Variants in PTPRG observed in about 807,000 individuals in gnomAD.
PTPRG encodes the protein protein tyrosine phosphatase receptor type G.
A neutral mutation model predicts 165.3 loss-of-function variants in PTPRG; 102 were observed. That is an observed-to-expected ratio of 0.62 (90% CI 0.53 to 0.73). PTPRG has a LOEUF of 0.73. PTPRG is among the 30% of genes least tolerant of loss of function. The pLI is 0.00. For missense variants in PTPRG, 1,866 were observed against 1,861.4 expected (o/e 1.00, Z -0.05); for synonymous variants, 675 against 669.5 (o/e 1.01, Z -0.13).
intron 2 of PTPRG, among the ~76,000 whole-genome samples, chr3:61,764,561 A>G (rs1049062306): frequency 1.3e-5 from 2 of 152,142 alleles, no homozygotes; most frequent in East Asian, 1.9e-4. Context: ...GAGAGTTGTT[A>G]TTTTAGCCTG....
intron 2 of PTPRG, among the ~76,000 whole-genome samples, chr3:61,939,677 G>C (rs2039565125): frequency 1.3e-5 from 2 of 152,048 alleles, no homozygotes; most frequent in African/African-American, 2.4e-5. Context: ...TGATCCAAAA[G>C]GTCCAATAAA....
intron 2 of PTPRG, among the ~76,000 whole-genome samples, chr3:61,858,402 C>T (rs2107391968): frequency 6.6e-6 from 1 of 152,262 alleles, no homozygotes; most frequent in East Asian, 1.9e-4. Flanking sequence ...AACAGTCCTT[C>T]TAAAGCTAAT....
intron 2 of PTPRG, among the ~76,000 whole-genome samples, chr3:61,859,430 T>A (rs562788613): frequency 6.6e-6 from 1 of 152,306 alleles, no homozygotes; most frequent in African/African-American, 2.4e-5. Flanking sequence ...TCTAAAATCA[T>A]GGAATATCAC....
chr3:61,873,939 G>T (rs547304853), intron 2 of PTPRG, among the ~76,000 whole-genome samples: 1 of 152,278 alleles, frequency 6.6e-6, no homozygotes, highest in South Asian at 2.1e-4. Context: ...GAGCAGTGAG[G>T]ATTGAATTGG....
intron 3 of PTPRG, among the ~76,000 whole-genome samples, chr3:61,993,394 T>C (rs1408935648): frequency 6.6e-6 from 1 of 152,086 alleles, no homozygotes; most frequent in African/African-American, 2.4e-5. Context: ...ATTTTTTATA[T>C]TTTTAGTAGA....
At chr3:61,738,284 A>ATGTG (rs1559583185) in intron 1 of PTPRG, among the ~76,000 whole-genome samples, 7 of 78,132 alleles carry the variant, frequency 9.0e-5, no homozygotes, top group South Asian at 5.9e-4. Context: ...ATATACATAT[A>ATGTG]TATATATATA....
chr3:62,181,952 GTTAATAC>G (rs1195422210), intron 8 of PTPRG, among the ~76,000 whole-genome samples: 2 of 152,166 alleles, frequency 1.3e-5, no homozygotes, highest in Non-Finnish European at 2.9e-5. Flanking sequence ...TCTCCAAAAA[GTTAATAC>G]TTAAGCCTTA....
At chr3:61,960,816 C>A (rs1334503124) in intron 2 of PTPRG, among the ~76,000 whole-genome samples, 5 of 152,082 alleles carry the variant, frequency 3.3e-5, no homozygotes, top group Non-Finnish European at 7.4e-5. Flanking sequence ...CCACTGTCCC[C>A]TGTACTCCCC....
Position 61,998,241 on chromosome 3 carries a change from C to T in PTPRG, c.371-5108C>T, listed in dbSNP as rs182871015. On this transcript the variant is annotated intron_variant, in intron 3 of 29. Coordinates refer to ENST00000474889, the MANE Select transcript of PTPRG (RefSeq NM_002841.4). ...CTTATTTAAGATGTGACCTGACCCA[C>T]GCTTTGCCCTGGCCCTTTGCATAGC... Among the ~76,000 whole-genome samples the T allele has an allele frequency of 2.5e-3, 374 of 152,266 alleles. 1 individual carries two copies. The highest frequency in any genetic ancestry group is 8.3e-3 in the African/African-American group (344 of 41,550).
At chr3:62,052,286 T>C (rs1454598955) in intron 4 of PTPRG, among the ~76,000 whole-genome samples, 1 of 152,256 alleles carries the variant, frequency 6.6e-6, no homozygotes, top group Non-Finnish European at 1.5e-5. Context: ...TATATTGTGT[T>C]AGTACAGTAA....
At chr3:61,754,682 T>G (rs956661496) in intron 2 of PTPRG, among the ~76,000 whole-genome samples, 8 of 152,162 alleles carry the variant, frequency 5.3e-5, no homozygotes, top group African/African-American at 1.7e-4. Context: ...AGTGGGTGAT[T>G]TGCAAAAGGT....
chr3:61,679,276 A>G (rs867189014), intron 1 of PTPRG, among the ~76,000 whole-genome samples: 27 of 152,344 alleles, frequency 1.8e-4, no homozygotes, highest in African/African-American at 6.5e-4. Flanking sequence ...CATTGGGTTC[A>G]TTATAAAAGG....
At chr3:62,192,426 T>TTTTTTA in intron 9 of PTPRG, among the ~76,000 whole-genome samples, 1 of 118,888 alleles carries the variant, frequency 8.4e-6, no homozygotes, top group Non-Finnish European at 1.7e-5. Context: ...TTTTTTTTTT[T>TTTTTTA]GAGACAGAGT....
Position 62,045,729 on chromosome 3 carries a change from G to T in PTPRG, c.520-32434G>T, listed in dbSNP as rs550781955. On this transcript the variant is annotated intron_variant, in intron 4 of 29. Transcript: ENST00000474889. The stretch of plus-strand genomic sequence containing the variant: ...GTTAGGTCTTCTCTTAACAGGTCAT[G>T]ACCTGAACACAAGGTTCTGAGCATC... Among the ~76,000 whole-genome samples the T allele has an allele frequency of 1.1e-4, 16 of 152,328 alleles. 1 individual carries two copies. Among genetic ancestry groups the T allele is most frequent in the African/African-American group, 2.6e-4 (11 of 41,574 alleles).
At chr3:62,072,996 G>A (rs1701259658) in intron 4 of PTPRG, among the ~76,000 whole-genome samples, 1 of 152,120 alleles carries the variant, frequency 6.6e-6, no homozygotes, top group African/African-American at 2.4e-5. Flanking sequence ...GGAGAACGTG[G>A]CAGAGTGACA....
At chr3:62,020,544 C>G (rs2041665550) in intron 4 of PTPRG, among the ~76,000 whole-genome samples, 1 of 152,152 alleles carries the variant, frequency 6.6e-6, no homozygotes, top group Non-Finnish European at 1.5e-5. Context: ...ACAAGTAACA[C>G]TCTTTTGAAA....
At chr3:62,059,334 G>A (rs992545368) in intron 4 of PTPRG, among the ~76,000 whole-genome samples, 1 of 152,110 alleles carries the variant, frequency 6.6e-6, no homozygotes, top group African/African-American at 2.4e-5. Context: ...CTAGCAGTCA[G>A]CTTGAAAACA....
In PTPRG at chr3:61,743,131, A is replaced by C. The variant is rs145413764; in HGVS notation, c.86-5747A>C. 458 of 1,220,074 alleles carry C rather than the reference A, an allele frequency of 3.8e-4. No homozygotes were observed. In the African/African-American group the frequency reaches 5.6e-3, roughly 15 times the overall value. The allele number at this position is 1,220,074 out of a possible 1,614,324, so 75.6% of individuals were successfully genotyped here. On this transcript the variant is annotated intron_variant, in intron 1 of 29. Transcript: ENST00000474889. Reference sequence around the variant, plus strand: ...TGGCTTCTCACGCCGCGCTAACCGGAAAAGAGCGGGTCTGGTAATATTTTT... The same window carrying C: ...TGGCTTCTCACGCCGCGCTAACCGGCAAAGAGCGGGTCTGGTAATATTTTT...
chr3:61,563,195 G>A (rs1699811500), intron 1 of PTPRG, among the ~76,000 whole-genome samples: 1 of 151,966 alleles, frequency 6.6e-6, no homozygotes. Flanking sequence ...TTCGCGCCGG[G>A]GCTGATTTTT....
Sources: allele counts gnomAD v4.1 joint callset (sites outside exome capture counted in the v4.1 genomes callset), GRCh38; gene constraint gnomAD v4.1.1; transcripts MANE v1.5; gene names NCBI Gene and HGNC (gene_info 2026-07-23, HGNC 2026-07-21).